The following GASK1A variants were observed in gnomAD, a reference collection of about 807,000 sequenced individuals.
GASK1A encodes the protein Golgi-associated kinase 1A.
Under a neutral mutation model 41.2 loss-of-function variants are expected in GASK1A, and 40 were observed. The ratio of observed to expected loss-of-function variants is 0.97; its 90% CI spans 0.75 to 1.27. GASK1A has a LOEUF of 1.27. Among genes scored for constraint, GASK1A ranks in the 50% most tolerant of loss-of-function variants. The pLI is 0.00. For missense variants in GASK1A, 678 were observed against 745.1 expected, an observed-to-expected ratio of 0.91 and a Z score of 1.05; for synonymous variants, 316 against 307.1, an observed-to-expected ratio of 1.03 and a Z score of -0.30.
chr3:43,037,531 T>C (rs775667597), intron 2 of GASK1A: 110 of 384,746 alleles, frequency 2.9e-4, no homozygotes, highest in Middle Eastern at 3.3e-4. Flanking sequence ...CCTGCAGTTA[T>C]GTACATTTTG....
At chr3:43,026,323 G>C (rs1424425469) in intron 1 of GASK1A, among the ~76,000 whole-genome samples, 4 of 152,166 alleles carry the variant, frequency 2.6e-5, no homozygotes, top group Admixed American at 2.6e-4. Context: ...AATTCCACCG[G>C]GGTTCTACAG....
At chr3:42,987,289 A>T (rs1324444440) in intron 1 of GASK1A, among the ~76,000 whole-genome samples, 1 of 152,236 alleles carries the variant, frequency 6.6e-6, no homozygotes, top group Non-Finnish European at 1.5e-5. Flanking sequence ...TTTTTTAGAT[A>T]GGGTGGGCAC....
Position 43,056,165 on chromosome 3 carries a change from C to T in GASK1A, c.1518-11C>T, listed in dbSNP as rs1240340175. The T allele has an allele frequency of 1.9e-6, 3 of 1,546,326 alleles. No individual in the cohort carries two copies. Among genetic ancestry groups the T allele is most frequent in the Non-Finnish European group, 2.6e-6 (3 of 1,143,152 alleles). On this transcript the variant is annotated splice_polypyrimidine_tract_variant and intron_variant, in intron 4 of 4. Transcript: ENST00000430121. ...TCTTTCTGTTACGGGGCTCTGGGGC[C>T]TTTGCTCCAGGTTTCCTGAGTCTGC... is the stretch of plus-strand genomic sequence containing the variant.
intron 1 of GASK1A, among the ~76,000 whole-genome samples, chr3:43,000,254 C>T (rs980684283): frequency 8.6e-6 from 1 of 116,314 alleles, no homozygotes; most frequent in African/African-American, 3.0e-5. Flanking sequence ...TGCTTTCTGA[C>T]TCCCATCTAC....
At chr3:43,044,148 G>T (rs509527) in intron 2 of GASK1A, among the ~76,000 whole-genome samples, 1 of 152,044 alleles carries the variant, frequency 6.6e-6, no homozygotes, top group African/African-American at 2.4e-5. Flanking sequence ...GAGCAAGGGG[G>T]TTTGGCTGAC....
intron 1 of GASK1A, among the ~76,000 whole-genome samples, chr3:43,025,128 A>G (rs906070192): frequency 6.6e-6 from 1 of 152,204 alleles, no homozygotes; most frequent in Non-Finnish European, 1.5e-5. Context: ...GAGACTTTGA[A>G]GGATATGATC....
chr3:43,019,757 A>AACACACACACACACACAC (rs148054172), intron 1 of GASK1A, among the ~76,000 whole-genome samples: 8 of 146,614 alleles, frequency 5.5e-5, no homozygotes, highest in African/African-American at 1.8e-4. Context: ...TTCCGTTTTT[A>AACACACACACACACACAC]ACACACACAC....
intron 1 of GASK1A, among the ~76,000 whole-genome samples, chr3:43,001,950 G>A (rs2125677109): frequency 6.6e-6 from 1 of 152,210 alleles, no homozygotes; most frequent in Non-Finnish European, 1.5e-5. Flanking sequence ...AAGGCTTGCT[G>A]GGCACCCTGC....
At position 43,013,404 on chromosome 3, in the gene GASK1A, G is replaced by T. The variant is rs377651269; in HGVS notation, c.4-18863G>T. On this transcript the variant is annotated intron_variant, in intron 1 of 4. Transcript: ENST00000430121. ...AGGGGTGCTGTGAAGTCACAGGAAG[G>T]GGCAGTGTGAGGCCACAGGAATGGG... is the stretch of plus-strand genomic sequence containing the variant. 5.3e-4 allele frequency among the ~76,000 whole-genome samples: 81 copies of T among 151,878 alleles called. 4 individuals are homozygous for T. The South Asian group carries it at 0.016, about 30-fold the overall frequency.
chr3:43,026,940 G>A (rs761447751), intron 1 of GASK1A, among the ~76,000 whole-genome samples: 7 of 152,244 alleles, frequency 4.6e-5, no homozygotes, highest in South Asian at 2.1e-4. Context: ...AAGCTGACCC[G>A]AAACAGTCAA....
At chr3:42,997,922 C>A (rs1265015036) in intron 1 of GASK1A, among the ~76,000 whole-genome samples, 2 of 152,154 alleles carry the variant, frequency 1.3e-5, no homozygotes, top group African/African-American at 4.8e-5. Flanking sequence ...GGGCTCGGTC[C>A]TGCTGGGAAC....
chr3:43,017,922 C>T (rs181840928), intron 1 of GASK1A, among the ~76,000 whole-genome samples: 16 of 151,780 alleles, frequency 1.1e-4, no homozygotes, highest in Middle Eastern at 3.4e-3. Flanking sequence ...TGGGAAGTCA[C>T]GGGAAGAAGT....
At chr3:43,002,117 C>T (rs1354076933) in intron 1 of GASK1A, among the ~76,000 whole-genome samples, 1 of 152,164 alleles carries the variant, frequency 6.6e-6, no homozygotes, top group African/African-American at 2.4e-5. Context: ...CCAGGTAGGT[C>T]CGCATTCAAA....
chr3:43,036,198 G>A (rs1383177821), intron 2 of GASK1A, among the ~76,000 whole-genome samples: 1 of 152,194 alleles, frequency 6.6e-6, no homozygotes, highest in Non-Finnish European at 1.5e-5. Context: ...TTGGTTATAT[G>A]GGCAGACATG....
chr3:42,998,795 A>G (rs1200567995), intron 1 of GASK1A, among the ~76,000 whole-genome samples: 3 of 152,084 alleles, frequency 2.0e-5, no homozygotes, highest in African/African-American at 4.8e-5. Flanking sequence ...TTCACCTGAT[A>G]TCACTTCTCT....
chr3:43,044,413 A>G (rs1213773797), intron 2 of GASK1A, among the ~76,000 whole-genome samples: 3 of 152,026 alleles, frequency 2.0e-5, no homozygotes, highest in Non-Finnish European at 4.4e-5. Flanking sequence ...GCTTTTTCGG[A>G]GGGAACCACT....
At chr3:43,006,292 T>G (rs2089435801) in intron 1 of GASK1A, among the ~76,000 whole-genome samples, 1 of 152,220 alleles carries the variant, frequency 6.6e-6, no homozygotes, top group African/African-American at 2.4e-5. Flanking sequence ...TTTTGCATCT[T>G]TGTTTCCTGC....
intron 1 of GASK1A, among the ~76,000 whole-genome samples, chr3:43,024,257 C>A (rs2089535479): frequency 1.3e-5 from 2 of 152,260 alleles, no homozygotes; most frequent in Middle Eastern, 3.4e-3. Context: ...GCTCTATCAC[C>A]TATAGCCCAG....
At chr3:42,983,732 C>A (rs1384798204) in intron 1 of GASK1A, among the ~76,000 whole-genome samples, 1 of 152,128 alleles carries the variant, frequency 6.6e-6, no homozygotes, top group Non-Finnish European at 1.5e-5. Context: ...AAATTTGATC[C>A]CCTCTCTCTT....
Sources: gnomAD v4.1 joint callset for allele counts (sites outside exome capture counted in the v4.1 genomes callset) on GRCh38, gnomAD v4.1.1 for gene constraint, MANE v1.5 for transcripts, NCBI Gene and HGNC (gene_info 2026-07-23, HGNC 2026-07-21) for gene names.